The following ANXA8 variants were observed in gnomAD, a reference collection of about 807,000 sequenced individuals.
The protein encoded by ANXA8 is VAC-beta.
Under a neutral mutation model 26.8 loss-of-function variants are expected in ANXA8, and 9 were observed. The observed-to-expected ratio is 0.34, with a 90% confidence interval of 0.20 to 0.59. ANXA8 has a LOEUF of 0.59. ANXA8 is among the 20% of genes least tolerant of loss of function. The pLI is 0.84. For synonymous variants in ANXA8, 39 were observed against 94.8 expected (o/e 0.41, Z 3.42); for missense variants, 83 against 238.5 (o/e 0.35, Z 4.29).
the ANXA8 span, among the ~76,000 whole-genome samples, chr10:47,664,723 T>G: frequency 4.0e-5 from 6 of 148,620 alleles, no homozygotes; most frequent in Non-Finnish European, 7.4e-5. Flanking sequence ...GAATATTGGG[T>G]TTTTTTGTTG....
chr10:47,905,678 A>G, the ANXA8 span, among the ~76,000 whole-genome samples: 1 of 149,674 alleles, frequency 6.7e-6, no homozygotes, highest in African/African-American at 2.5e-5. Context: ...AACAAACGGT[A>G]AAGGTCACAG....
chr10:47,766,086 G>A, the ANXA8 span, among the ~76,000 whole-genome samples: 1 of 146,974 alleles, frequency 6.8e-6, no homozygotes, highest in African/African-American at 2.6e-5. Context: ...CACTCTTCCT[G>A]GCAGCCGAGG....
the ANXA8 span, among the ~76,000 whole-genome samples, chr10:47,733,203 T>TC: frequency 1.9e-5 from 2 of 107,720 alleles, no homozygotes; most frequent in African/African-American, 3.2e-5. Context: ...CTTTCTTTCT[T>TC]TCTTTCTTTC....
chr10:47,593,452 G>A, the ANXA8 span, among the ~76,000 whole-genome samples: 4 of 150,012 alleles, frequency 2.7e-5, no homozygotes, highest in South Asian at 2.1e-4. Flanking sequence ...CCCAGAAAGC[G>A]TGCACTGAAA....
At chr10:47,623,586 T>C in the ANXA8 span, among the ~76,000 whole-genome samples, 2 of 111,534 alleles carry the variant, frequency 1.8e-5, no homozygotes, top group East Asian at 4.4e-4. Context: ...AATTATAGTT[T>C]TATATTTTTC....
chr10:47,723,627 C>G, the ANXA8 span, among the ~76,000 whole-genome samples: 1 of 139,224 alleles, frequency 7.2e-6, no homozygotes, highest in Non-Finnish European at 1.6e-5. Context: ...TTTTCTACCC[C>G]CTCTTTAAAT....
chr10:47,980,251 A>G, the ANXA8 span, among the ~76,000 whole-genome samples: 1 of 151,644 alleles, frequency 6.6e-6, no homozygotes, highest in East Asian at 1.9e-4. Context: ...ACAACATATC[A>G]AAGTGTATGG....
At chr10:47,743,327 TAC>T in the ANXA8 span, among the ~76,000 whole-genome samples, 14 of 40,304 alleles carry the variant, frequency 3.5e-4, no homozygotes, top group South Asian at 1.3e-3. Flanking sequence ...TATATATATA[TAC>T]ATATATATAT....
At chr10:47,553,371 G>T in the ANXA8 span, 2 of 153,328 alleles carry the variant, frequency 1.3e-5, no homozygotes, top group South Asian at 4.1e-4. Context: ...GAGCAAAGAT[G>T]ACCCGGAGGA....
chr10:47,755,063 T>G, the ANXA8 span, among the ~76,000 whole-genome samples: 1 of 147,990 alleles, frequency 6.8e-6, no homozygotes, highest in Non-Finnish European at 1.5e-5. Context: ...TTCAAGTGAT[T>G]CTTCTGCTTC....
At chr10:47,567,562 C>T in the ANXA8 span, among the ~76,000 whole-genome samples, 1 of 151,662 alleles carries the variant, frequency 6.6e-6, no homozygotes, top group Non-Finnish European at 1.5e-5. Context: ...TTTTCACCCA[C>T]AGCCCTGTGT....
At chr10:47,727,208 A>G in the ANXA8 span, among the ~76,000 whole-genome samples, 6 of 152,420 alleles carry the variant, frequency 3.9e-5, no homozygotes, top group Middle Eastern at 3.4e-3. Flanking sequence ...AGCAAAAACT[A>G]TTTTACTTAA....
chr10:47,775,909 C>A, the ANXA8 span, among the ~76,000 whole-genome samples: 15 of 151,308 alleles, frequency 9.9e-5, no homozygotes, highest in African/African-American at 3.4e-4. Context: ...TATCCAATTT[C>A]TCTTTTTTAA....
chr10:47,616,574 C>T, the ANXA8 span, among the ~76,000 whole-genome samples: 1 of 53,124 alleles, frequency 1.9e-5, no homozygotes, highest in Non-Finnish European at 4.6e-5. Flanking sequence ...AAGCAGGCAA[C>T]AACTGGCCAT....
At chr10:47,743,293 T>TACATATATATATATACAC in the ANXA8 span, among the ~76,000 whole-genome samples, 1 of 64,906 alleles carries the variant, frequency 1.5e-5, no homozygotes, top group Non-Finnish European at 2.9e-5. Context: ...CATATATATA[T>TACATATATATATATACAC]ACACATATAT....
the ANXA8 span, among the ~76,000 whole-genome samples, chr10:47,688,696 C>T: frequency 2.0e-5 from 3 of 151,568 alleles, no homozygotes; most frequent in Non-Finnish European, 4.4e-5. Context: ...GCTGTGATTA[C>T]AGGCGTGAAC....
chr10:47,759,862 T>C, the ANXA8 span: 4 of 1,606,826 alleles, frequency 2.5e-6, no homozygotes, highest in Admixed American at 6.7e-5. Context: ...GGGAAGTCGG[T>C]CTCACTTTTG....
the ANXA8 span, among the ~76,000 whole-genome samples, chr10:47,560,885 A>G: frequency 2.0e-5 from 3 of 151,752 alleles, no homozygotes; most frequent in Non-Finnish European, 2.9e-5. Flanking sequence ...AGCGTAGCTC[A>G]CTGCAGCCTG....
chr10:47,763,165 C>T, the ANXA8 span: 1 of 989,644 alleles, frequency 1.0e-6, no homozygotes, highest in Non-Finnish European at 1.2e-6. Flanking sequence ...GGGGAGCCTT[C>T]CCGGATCCCG....
Sources: gnomAD v4.1 joint callset for allele counts (sites outside exome capture counted in the v4.1 genomes callset) on GRCh38, gnomAD v4.1.1 for gene constraint, MANE v1.5 for transcripts, NCBI Gene and HGNC (gene_info 2026-07-23, HGNC 2026-07-21) for gene names.